Variants in SPINK14 observed in about 807,000 individuals in gnomAD.
The protein encoded by SPINK14 is serine protease inhibitor Kazal-type 14.
In SPINK14, 6 loss-of-function variants were observed where a neutral mutation model predicts 14.2. That is an observed-to-expected ratio of 0.42 (90% CI 0.23 to 0.83). SPINK14 has a LOEUF of 0.83. SPINK14 is among the 40% of genes least tolerant of loss of function. The probability of loss-of-function intolerance (pLI) is 0.28; values close to 1 mark genes in which losing one functional copy is unlikely to be tolerated. For missense variants in SPINK14, 86 were observed against 108.3 expected (o/e 0.79, Z 0.91); for synonymous variants, 34 against 36.8 (o/e 0.92, Z 0.27).
intron 3 of SPINK14, among the ~76,000 whole-genome samples, chr5:148,171,250 G>A (rs1314661366): frequency 6.6e-6 from 1 of 152,096 alleles, no homozygotes; most frequent in African/African-American, 2.4e-5. Flanking sequence ...AGCATGACAG[G>A]TTCTTAAGAG....
At chr5:148,172,163 C>G (rs1230898987) in intron 3 of SPINK14, among the ~76,000 whole-genome samples, 1 of 152,024 alleles carries the variant, frequency 6.6e-6, no homozygotes, top group Non-Finnish European at 1.5e-5. Flanking sequence ...CTACTATAAA[C>G]AATGGGTTCA....
intron 3 of SPINK14, among the ~76,000 whole-genome samples, chr5:148,172,085 A>G (rs577956036): frequency 2.6e-5 from 4 of 152,168 alleles, no homozygotes; most frequent in Non-Finnish European, 5.9e-5. Flanking sequence ...ACTATGATTT[A>G]TGGTAAATTT....
rs1448245854 is a variant in SPINK14, at chr5:148,174,163, A to G, written c.112-71A>G. 2.2e-6 allele frequency: 2 copies of G among 902,808 alleles called. 1 individual carries two copies. Among genetic ancestry groups the G allele is most frequent in the African/African-American group, 5.0e-5 (2 of 40,040 alleles). The allele number at this position is 902,808 out of a possible 1,614,324, so 55.9% of individuals were successfully genotyped here. On this transcript the variant is annotated intron_variant, in intron 3 of 4. Transcript: ENST00000356972. The stretch of plus-strand genomic sequence containing the variant: ...CTAGACTATGCTTAGATTTTTCCTA[A>G]TAAAGTTCAAAGGTGACCTACCTGT...
intron 3 of SPINK14, among the ~76,000 whole-genome samples, chr5:148,172,246 G>C (rs76001565): frequency 1.3e-5 from 2 of 152,068 alleles, no homozygotes; most frequent in African/African-American, 4.8e-5. Flanking sequence ...CAGGTGAAGA[G>C]GGGGGAGAAA....
At chr5:148,170,169 T>C (rs201755932) in intron 2 of SPINK14, among the ~76,000 whole-genome samples, 3,192 of 105,568 alleles carry the variant, frequency 0.03, 76 homozygotes, top group East Asian at 0.14. Flanking sequence ...TATATATATA[T>C]ATATACACAC....
At position 148,169,867 on chromosome 5, in the gene SPINK14, G is replaced by C; in HGVS notation, c.67+68G>C. 1.5e-6 allele frequency: 2 copies of C among 1,295,802 alleles called. 1 individual carries two copies. The highest frequency in any genetic ancestry group is 2.6e-5 in the South Asian group (2 of 77,602). The allele number at this position is 1,295,802 out of a possible 1,614,324, so 80.3% of individuals were successfully genotyped here. A position where few individuals can be genotyped will look rare whatever the true frequency, so the allele number is the denominator to read the frequency against. On this transcript the variant is annotated intron_variant, in intron 2 of 4. Transcript: ENST00000356972. ...TGTGGGCTTTTACATCATAATCTGAGAGAGAATGCTTTGAAATTGTTCTTT... is the reference window on the plus strand; with the variant it reads ...TGTGGGCTTTTACATCATAATCTGACAGAGAATGCTTTGAAATTGTTCTTT...
chr5:148,174,883 CTA>C (rs1755147528), intron 4 of SPINK14, among the ~76,000 whole-genome samples: 1 of 152,030 alleles, frequency 6.6e-6, no homozygotes. Context: ...GCTTTGATTC[CTA>C]TATGAGTGAG....
chr5:148,173,408 C>T (rs906740968), intron 3 of SPINK14, among the ~76,000 whole-genome samples: 18 of 152,092 alleles, frequency 1.2e-4, no homozygotes, highest in African/African-American at 3.9e-4. Context: ...CCTTTGTTTT[C>T]GATTTTTTTC....
At chr5:148,170,805 G>T in intron 2 of SPINK14, 125 bp from the exon 3 acceptor site, 2 of 803,244 alleles carry the variant, frequency 2.5e-6, no homozygotes, top group Non-Finnish European at 4.1e-6. Context: ...ATGTATAAAT[G>T]AAATAATGTT....
intron 3 of SPINK14, among the ~76,000 whole-genome samples, chr5:148,172,699 G>C (rs981559319): frequency 6.6e-6 from 1 of 152,072 alleles, no homozygotes. Context: ...AGTTGTGACC[G>C]TATTTTAATA....
rs1436633861 is a variant in SPINK14 at position 148,174,107 on chromosome 5, A to T, written c.112-127A>T. 8 of 520,572 alleles carry T rather than the reference A, an allele frequency of 1.5e-5. 2 individuals are homozygous for T. The highest frequency in any genetic ancestry group is 2.5e-5 in the Non-Finnish European group (8 of 316,260). 32.2% of individuals were successfully genotyped at this position (520,572 alleles called of 1,614,324 possible). On this transcript the variant is annotated intron_variant, in intron 3 of 4. Coordinates refer to ENST00000356972, the MANE Select transcript of SPINK14 (RefSeq NM_001001325.2). ...AATCCTCCCACCTCAGCCTCCCAAA[A>T]TGTTGGAATGACAGGCATGAGCCAC...
chr5:148,170,046 T>C (rs1244706008), intron 2 of SPINK14, among the ~76,000 whole-genome samples: 1 of 146,832 alleles, frequency 6.8e-6, no homozygotes, highest in Non-Finnish European at 1.5e-5. Flanking sequence ...TTAGACTCTC[T>C]CTGTCTCTAT....
In SPINK14 at chr5:148,174,673, A is replaced by G. The variant is rs1282249255; in HGVS notation, c.248+303A>G. Among the ~76,000 whole-genome samples the G allele has an allele frequency of 4.0e-4, 3 of 7,428 alleles. 1 individual carries two copies. The African/African-American group carries it at 6.6e-3, about 16-fold the overall frequency. The allele number at this position is 7,428 out of a possible 152,430, so 4.9% of individuals were successfully genotyped here. Reference sequence around the variant, plus strand: ...TCTCAAATATCCCTTCAGGCCCTGAATTATTTTTTATTTTAAGAAAAATTG... The same window carrying G: ...TCTCAAATATCCCTTCAGGCCCTGAGTTATTTTTTATTTTAAGAAAAATTG... On this transcript the variant is annotated intron_variant, in intron 4 of 4. Coordinates refer to ENST00000356972, the MANE Select transcript of SPINK14 (RefSeq NM_001001325.2).
chr5:148,173,855 ATTT>A (rs748334872), intron 3 of SPINK14, among the ~76,000 whole-genome samples: 1 of 68,456 alleles, frequency 1.5e-5, no homozygotes, highest in Non-Finnish European at 2.9e-5. Flanking sequence ...CTATGCTTAG[ATTT>A]TTTTTTTTTT....
chr5:148,169,976 T>TA (rs10634881), intron 2 of SPINK14, among the ~76,000 whole-genome samples, 177 bp downstream of exon 2: 6 of 147,666 alleles, frequency 4.1e-5, no homozygotes, highest in Admixed American at 6.8e-5. Flanking sequence ...TATATATATA[T>TA]TTATATATAT....
At chr5:148,171,493 C>T (rs1755105240) in intron 3 of SPINK14, among the ~76,000 whole-genome samples, 1 of 152,094 alleles carries the variant, frequency 6.6e-6, no homozygotes, top group African/African-American at 2.4e-5. Context: ...AAAATGGAGA[C>T]ATCTTTTTCA....
intron 2 of SPINK14, among the ~76,000 whole-genome samples, chr5:148,170,546 C>T (rs1329575162): frequency 1.3e-5 from 2 of 152,054 alleles, no homozygotes; most frequent in African/African-American, 4.8e-5. Context: ...GAGTATTACC[C>T]AGGTGTCTTT....
In SPINK14 at chr5:148,170,065, A is replaced by T. The variant is rs1370177093; in HGVS notation, c.67+266A>T. Among the ~76,000 whole-genome samples the T allele has an allele frequency of 3.7e-5, 5 of 135,590 alleles. 1 individual carries two copies. The highest frequency in any genetic ancestry group is 1.1e-4 in the African/African-American group (4 of 36,854). The allele number at this position is 135,590 out of a possible 152,430, so 89.0% of individuals were successfully genotyped here. On this transcript the variant is annotated intron_variant, in intron 2 of 4. Coordinates refer to ENST00000356972, the MANE Select transcript of SPINK14 (RefSeq NM_001001325.2). ...ACTCTCTCTGTCTCTATATTTGTAT[A>T]TACACACATATACATATACATATAT...
intron 2 of SPINK14, among the ~76,000 whole-genome samples, 178 bp downstream of exon 2, chr5:148,169,977 T>TATATTTA (rs1561720334): frequency 4.7e-5 from 5 of 106,326 alleles, no homozygotes; most frequent in Admixed American, 8.7e-5. Flanking sequence ...ATATATATAT[T>TATATTTA]TATATATATA....
Sources: gnomAD v4.1 joint callset for allele counts (sites outside exome capture counted in the v4.1 genomes callset) on GRCh38, gnomAD v4.1.1 for gene constraint, MANE v1.5 for transcripts, NCBI Gene and HGNC (gene_info 2026-07-23, HGNC 2026-07-21) for gene names.